The following MACROD2 variants were observed in gnomAD, a reference collection of about 807,000 sequenced individuals.
MACROD2 encodes ADP-ribose glycohydrolase MACROD2.
Under a neutral mutation model 70.4 loss-of-function variants are expected in MACROD2, and 36 were observed. The observed-to-expected ratio is 0.51, with a 90% CI of 0.39 to 0.68. MACROD2 has a LOEUF of 0.68. Ranked by LOEUF, MACROD2 falls within the 30% of genes least tolerant of loss-of-function variation. The probability of loss-of-function intolerance (pLI) is 0.00; values close to 1 mark genes in which losing one functional copy is unlikely to be tolerated. For synonymous variants in MACROD2, 172 were observed against 178.8 expected (o/e 0.96, Z 0.30); for missense variants, 496 against 538.4 (o/e 0.92, Z 0.78).
At chr20:16,018,416 A>G (rs892990664) in intron 15 of MACROD2, among the ~76,000 whole-genome samples, 2 of 152,078 alleles carry the variant, frequency 1.3e-5, no homozygotes, top group African/African-American at 2.4e-5. Flanking sequence ...TACTCTTTAT[A>G]GTAGCTGTTT....
At chr20:14,697,656 T>C (rs950124864) in intron 5 of MACROD2, among the ~76,000 whole-genome samples, 9 of 152,216 alleles carry the variant, frequency 5.9e-5, no homozygotes, top group African/African-American at 1.2e-4. Context: ...TTTTTTTTCT[T>C]ATCACTCCAT....
At chr20:15,440,731 T>C (rs754765243) in intron 7 of MACROD2, among the ~76,000 whole-genome samples, 6 of 152,300 alleles carry the variant, frequency 3.9e-5, no homozygotes, top group Non-Finnish European at 5.9e-5. Flanking sequence ...ATGTAATGCA[T>C]TGGGAACCAG....
At chr20:14,230,801 A>G (rs2122204193) in intron 3 of MACROD2, among the ~76,000 whole-genome samples, 1 of 149,700 alleles carries the variant, frequency 6.7e-6, no homozygotes, top group East Asian at 2.0e-4. Context: ...TAGAATTACT[A>G]TCTGTGGCAG....
At chr20:14,619,751 T>G (rs1329836694) in intron 4 of MACROD2, among the ~76,000 whole-genome samples, 3 of 152,130 alleles carry the variant, frequency 2.0e-5, no homozygotes, top group Non-Finnish European at 1.5e-5. Context: ...CCTTGTAAGA[T>G]GACTGGCCAG....
At position 14,806,325 on chromosome 20, in the gene MACROD2, G is replaced by A. The variant is rs6131611; in HGVS notation, c.418+121366G>A. On this transcript the variant is annotated intron_variant, in intron 5 of 17. Coordinates refer to ENST00000684519, the MANE Select transcript of MACROD2 (RefSeq NM_001351661.2). ...AGGGCGACCAGAAGCAGGGTGGGGCGTTGCCTCACTGAAGAAGCACAAGGG... is the reference window on the plus strand; with the variant it reads ...AGGGCGACCAGAAGCAGGGTGGGGCATTGCCTCACTGAAGAAGCACAAGGG... 6.2e-4 allele frequency among the ~76,000 whole-genome samples: 95 copies of A among 152,150 alleles called. 1 individual carries two copies. In the East Asian group the frequency reaches 0.015, roughly 23 times the overall value.
At chr20:14,444,746 G>A (rs1275500241) in intron 3 of MACROD2, among the ~76,000 whole-genome samples, 1 of 151,926 alleles carries the variant, frequency 6.6e-6, no homozygotes, top group Non-Finnish European at 1.5e-5. Context: ...TCAGTTAATG[G>A]CAACTCTTGG....
rs11479144 is a variant in MACROD2, at chr20:14,214,586, CTT to C, written c.271+128873_271+128874del. On this transcript the variant is annotated intron_variant, in intron 3 of 17. Transcript: ENST00000684519. The stretch of plus-strand genomic sequence containing the variant: ...ACCTGAGAAGTTATCCAGCAATGTT[CTT>C]TTTTTTTTTTTTTTAAGGTTTTTTT... 6.2e-3 allele frequency among the ~76,000 whole-genome samples: 808 copies of C among 131,264 alleles called. 4 individuals carry two copies. Among genetic ancestry groups the C allele is most frequent in the African/African-American group, 0.014 (472 of 34,946 alleles). The allele number at this position is 131,264 out of a possible 152,430, so 86.1% of individuals were successfully genotyped here.
At chr20:14,818,792 T>A (rs527489984) in intron 5 of MACROD2, among the ~76,000 whole-genome samples, 1 of 151,454 alleles carries the variant, frequency 6.6e-6, no homozygotes, top group African/African-American at 2.4e-5. Context: ...ATAGTATTAC[T>A]GTTTAGAGAT....
At chr20:14,354,241 T>C (rs1416928106) in intron 3 of MACROD2, among the ~76,000 whole-genome samples, 2 of 152,226 alleles carry the variant, frequency 1.3e-5, no homozygotes, top group Non-Finnish European at 2.9e-5. Context: ...ACTTTTCTTA[T>C]TGATTTGTAG....
intron 5 of MACROD2, among the ~76,000 whole-genome samples, chr20:15,220,772 TG>T (rs145889983): frequency 2.6e-5 from 4 of 151,166 alleles, no homozygotes; most frequent in East Asian, 1.9e-4. Context: ...GAGAAAAAAA[TG>T]GGGGGGGCTC....
At chr20:14,603,461 A>G (rs1982618099) in intron 4 of MACROD2, among the ~76,000 whole-genome samples, 3 of 152,330 alleles carry the variant, frequency 2.0e-5, no homozygotes, top group South Asian at 4.1e-4. Context: ...AAATCAGTGT[A>G]TGCTCATGTA....
At chr20:14,862,221 A>ATATTTATATATT (rs1190558968) in intron 5 of MACROD2, among the ~76,000 whole-genome samples, 1 of 21,128 alleles carries the variant, frequency 4.7e-5, no homozygotes, top group Non-Finnish European at 9.1e-5. Flanking sequence ...ATATATATAT[A>ATATTTATATATT]AATATATATA....
chr20:15,567,169 ATTAATAG>A (rs2048321927), intron 8 of MACROD2, among the ~76,000 whole-genome samples: 1 of 151,840 alleles, frequency 6.6e-6, no homozygotes, highest in Non-Finnish European at 1.5e-5. Flanking sequence ...TGATTCATAT[ATTAATAG>A]TTAAAGTAAA....
At chr20:15,544,237 C>A (rs1020835610) in intron 8 of MACROD2, among the ~76,000 whole-genome samples, 9 of 152,120 alleles carry the variant, frequency 5.9e-5, no homozygotes, top group African/African-American at 2.2e-4. Flanking sequence ...TGCTTTAGTA[C>A]CTGGCTATGG....
chr20:14,881,560 G>A (rs892852202), intron 5 of MACROD2, among the ~76,000 whole-genome samples: 5 of 151,920 alleles, frequency 3.3e-5, no homozygotes, highest in Admixed American at 1.3e-4. Context: ...AAGAAGTTTC[G>A]GGGTAGCTCT....
intron 8 of MACROD2, among the ~76,000 whole-genome samples, chr20:15,553,948 G>A (rs1043950517): frequency 2.6e-5 from 4 of 152,120 alleles, no homozygotes; most frequent in African/African-American, 7.2e-5. Flanking sequence ...TTAGGCATTA[G>A]GACAGATTCA....
intron 5 of MACROD2, among the ~76,000 whole-genome samples, chr20:14,966,505 T>C (rs572822868): frequency 6.6e-6 from 1 of 152,240 alleles, no homozygotes; most frequent in African/African-American, 2.4e-5. Flanking sequence ...GAGGCCAGGT[T>C]GTCAAGGGTG....
intron 8 of MACROD2, among the ~76,000 whole-genome samples, chr20:15,669,550 A>T (rs548273110): frequency 1.2e-4 from 18 of 152,308 alleles, no homozygotes; most frequent in African/African-American, 4.3e-4. Flanking sequence ...GATGCAGTTT[A>T]TTAATCCAAG....
intron 5 of MACROD2, chr20:14,850,129 T>C (rs1256589248): frequency 2.5e-6 from 1 of 393,918 alleles, no homozygotes; most frequent in African/African-American, 2.1e-5. Context: ...TTTGAAAGCT[T>C]TGGGGGTCAT....
Sources: gnomAD v4.1 joint callset for allele counts (sites outside exome capture counted in the v4.1 genomes callset) on GRCh38, gnomAD v4.1.1 for gene constraint, MANE v1.5 for transcripts, NCBI Gene and HGNC (gene_info 2026-07-23, HGNC 2026-07-21) for gene names.